Variants in SDK2 observed in about 807,000 individuals in gnomAD.
The protein encoded by SDK2 is protein sidekick-2.
In SDK2, 105 loss-of-function variants were observed where a neutral mutation model predicts 253.9. The ratio of observed to expected loss-of-function variants is 0.41; its 90% CI spans 0.35 to 0.49. SDK2 has a LOEUF of 0.49. Among genes scored for constraint, SDK2 ranks in the 20% least tolerant of loss-of-function variants. The pLI, the probability that SDK2 is intolerant of heterozygous loss-of-function variation, is 0.06. For synonymous variants in SDK2, 1,249 were observed against 1,234.9 expected, an observed-to-expected ratio of 1.01 and a Z score of -0.24; for missense variants, 2,608 against 3,003.0, an observed-to-expected ratio of 0.87 and a Z score of 3.07.
intron 1 of SDK2, among the ~76,000 whole-genome samples, chr17:73,531,372 C>T (rs1046679492): frequency 6.6e-6 from 1 of 152,212 alleles, no homozygotes; most frequent in Non-Finnish European, 1.5e-5. Context: ...CAGTGCCATC[C>T]TTGGATTCTT....
Position 73,383,284 on chromosome 17 carries a change from G to C in SDK2, c.4705+592C>G, listed in dbSNP as rs142515554. ...AGTCCAAACACGTCTTTCCCTTGCC[G>C]TGGTCTTCTGGGCATCGGCTCTCCC... On this transcript the variant is annotated intron_variant, in intron 33 of 44. Transcript: ENST00000392650. This position sits in a 1 kb window ranked among gnomAD's most constrained non-coding sequence, Gnocchi z 4.3. Among the ~76,000 whole-genome samples, 1 of 152,202 alleles carries C rather than the reference G, an allele frequency of 6.6e-6. No homozygotes were observed. The highest frequency in any genetic ancestry group is 2.4e-5 in the African/African-American group (1 of 41,446).
intron 2 of SDK2, among the ~76,000 whole-genome samples, chr17:73,482,629 T>A (rs895859131): frequency 1.3e-5 from 2 of 152,260 alleles, no homozygotes; most frequent in Non-Finnish European, 2.9e-5. Flanking sequence ...TGGGACCTTC[T>A]GGGCCAATTA....
rs2046371629 is a variant in SDK2, at chr17:73,639,503, G to A, written c.64+4522C>T. Reference sequence around the variant, plus strand: ...TCCTTTCCATTACAGGCAGTGGGCTGCAGCCGCCAGTTGCTGCTGGCCCAT... The same window carrying A: ...TCCTTTCCATTACAGGCAGTGGGCTACAGCCGCCAGTTGCTGCTGGCCCAT... On this transcript the variant is annotated intron_variant, in intron 1 of 44. Transcript: ENST00000392650. This position sits in a 1 kb window ranked among gnomAD's most constrained non-coding sequence, Gnocchi z 4.3. Among the ~76,000 whole-genome samples the A allele has an allele frequency of 6.6e-6, 1 of 152,208 alleles. No homozygotes were observed. The highest frequency in any genetic ancestry group is 6.5e-5 in the Admixed American group (1 of 15,288).
rs1260525743 is a variant in SDK2, at chr17:73,481,058, A to G, written c.225-8840T>C. Among the ~76,000 whole-genome samples, 2 of 152,124 alleles carry G rather than the reference A, an allele frequency of 1.3e-5. No individual in the cohort carries two copies. The highest frequency in any genetic ancestry group is 2.9e-5 in the Non-Finnish European group (2 of 68,020). On this transcript the variant is annotated intron_variant, in intron 2 of 44. Coordinates refer to ENST00000392650, the MANE Select transcript of SDK2 (RefSeq NM_001144952.2). The surrounding 1 kb of genome is among the most constrained non-coding windows in gnomAD (Gnocchi z 4.5). Reference sequence around the variant, plus strand: ...TGGGAGGCTACAGGGCCGCCATTTGAAGGGGAGGCAGCAGCCTCAGGAGGG... The same window carrying G: ...TGGGAGGCTACAGGGCCGCCATTTGGAGGGGAGGCAGCAGCCTCAGGAGGG...
chr17:73,550,605 C>T (rs762059106), intron 1 of SDK2, among the ~76,000 whole-genome samples: 6 of 152,276 alleles, frequency 3.9e-5, no homozygotes, highest in Admixed American at 1.3e-4. Context: ...CCCTACCCTG[C>T]AGCTTCCTGC....
At position 73,490,804 on chromosome 17, in the gene SDK2, G is replaced by A. The variant is rs765339748; in HGVS notation, c.224+16634C>T. Among the ~76,000 whole-genome samples the A allele has an allele frequency of 5.3e-5, 8 of 151,998 alleles. No homozygotes were observed. In the South Asian group the frequency reaches 1.7e-3, roughly 32 times the overall value. ...GGCCTCCTAAAATGCTAGGATTACA[G>A]GCGTGAACCACCACACCTGGCCCCA... On this transcript the variant is annotated intron_variant, in intron 2 of 44. Coordinates refer to ENST00000392650, the MANE Select transcript of SDK2 (RefSeq NM_001144952.2).
At position 73,338,527 on chromosome 17, in the gene SDK2, G is replaced by C. The variant is rs1263952827; in HGVS notation, c.*60C>G. Reference sequence around the variant, plus strand: ...GTTTTTGTTTTCTGGCAGGCAGTGAGAGGAGGGGTGAAGGAGGAGTTTGGT... The same window carrying C: ...GTTTTTGTTTTCTGGCAGGCAGTGACAGGAGGGGTGAAGGAGGAGTTTGGT... On this transcript the variant is annotated 3_prime_UTR_variant, in exon 45 of 45. Coordinates refer to ENST00000392650, the MANE Select transcript of SDK2 (RefSeq NM_001144952.2). This position sits in a 1 kb window ranked among gnomAD's most constrained non-coding sequence, Gnocchi z 5.0. 1 of 1,004,688 alleles carries C rather than the reference G, an allele frequency of 1.0e-6. No individual in the cohort carries two copies. Among genetic ancestry groups the C allele is most frequent in the African/African-American group, 1.6e-5 (1 of 62,910 alleles). 62.2% of individuals were successfully genotyped at this position (1,004,688 alleles called of 1,614,324 possible).
Position 73,387,877 on chromosome 17 carries a change from C to T in SDK2, c.4353G>A (p.Ser1451=), listed in dbSNP as rs2270723. ...ELPSGRWALH[S]ASVSHNASSF... Reference sequence around the variant, plus strand: ...TGGAGGCATTGTGGCTCACGGAGGCCGAGTGCAGTGCCCACCTGCCGCTGG... The same window carrying T: ...TGGAGGCATTGTGGCTCACGGAGGCTGAGTGCAGTGCCCACCTGCCGCTGG... The change falls in exon 30 of 45, where the codon TCG becomes TCA. Residue 1451 remains serine, a synonymous_variant. Coordinates refer to ENST00000392650, the MANE Select transcript of SDK2 (RefSeq NM_001144952.2). 8,373 of 1,587,878 alleles carry T rather than the reference C, an allele frequency of 5.3e-3. 334 individuals carry two copies. In the East Asian group the frequency reaches 0.11, roughly 21 times the overall value.
chr17:73,509,266 A>C (rs1052529527), intron 1 of SDK2, among the ~76,000 whole-genome samples: 3 of 152,174 alleles, frequency 2.0e-5, no homozygotes, highest in African/African-American at 7.2e-5. Context: ...CTAAGGATGG[A>C]AGGAAATAGT....
intron 18 of SDK2, among the ~76,000 whole-genome samples, chr17:73,404,196 G>T (rs2063052512): frequency 6.6e-6 from 1 of 152,176 alleles, no homozygotes; most frequent in African/African-American, 2.4e-5. Flanking sequence ...TTGACGCCTG[G>T]ATCCAAGATG....
intron 1 of SDK2, among the ~76,000 whole-genome samples, chr17:73,559,668 C>T (rs1333177407): frequency 6.6e-6 from 1 of 150,672 alleles, no homozygotes; most frequent in Non-Finnish European, 1.5e-5. Context: ...CGAAGGGCCA[C>T]CCCACAGGCA....
chr17:73,447,629 G>C lies in SDK2; in HGVS notation c.599C>G (p.Thr200Arg). ...TGCGTACTTACTCTCCACGGTGAGC[G>C]TGATGGGCTGGCTGGTCTTGTTATC... ...NGDNKTSQPI[T>R]LTVENVGGPA... The change falls in exon 5 of 45, where the codon ACG (threonine) becomes AGG (arginine). Residue 200 changes from threonine to arginine, a missense_variant. Physicochemically the swap from Thr to Arg is moderately conservative, Grantham distance 71 (BLOSUM62 -1). Coordinates refer to ENST00000392650, the MANE Select transcript of SDK2 (RefSeq NM_001144952.2). The surrounding 1 kb of genome is among the most constrained non-coding windows in gnomAD (Gnocchi z 4.0). 6.4e-7 allele frequency: 1 copy of C among 1,551,986 alleles called. No homozygotes were observed. The highest frequency in any genetic ancestry group is 8.7e-7 in the Non-Finnish European group (1 of 1,147,064).
rs1321838322 is a variant in SDK2 at position 73,474,722 on chromosome 17, GGGGAGGCCACT to G, written c.225-2515_225-2505del. Among the ~76,000 whole-genome samples, 5 of 152,166 alleles carry G rather than the reference GGGGAGGCCACT, an allele frequency of 3.3e-5. 1 individual carries two copies. The highest frequency in any genetic ancestry group is 4.1e-4 in the South Asian group (2 of 4,822). On this transcript the variant is annotated intron_variant, in intron 2 of 44. Transcript: ENST00000392650. ...TTGCGTCCCCTCTCTCCCGAGGCGA[GGGGAGGCCACT>G]GTGGGGGAACTGTCTGAGTCTGTAA...
intron 36 of SDK2, 31 bp from the exon 37 acceptor site, chr17:73,368,624 G>C (rs2145438008): frequency 6.6e-7 from 1 of 1,508,220 alleles, no homozygotes; most frequent in Non-Finnish European, 8.9e-7. Context: ...GGGAGTGAGG[G>C]GGACAGGGGC....
At chr17:73,499,501 C>T (rs1486671320) in intron 2 of SDK2, among the ~76,000 whole-genome samples, 3 of 152,250 alleles carry the variant, frequency 2.0e-5, no homozygotes, top group Middle Eastern at 3.2e-3. Context: ...TGGGACTCGG[C>T]CTCAGCTGGT....
chr17:73,584,067 T>C (rs1199050829), intron 1 of SDK2, among the ~76,000 whole-genome samples: 4 of 152,294 alleles, frequency 2.6e-5, no homozygotes, highest in South Asian at 4.1e-4. Context: ...CACAAGGCCT[T>C]CTCTAGCAGT....
In SDK2 at chr17:73,541,599, C is replaced by T. The variant is rs2044870264; in HGVS notation, c.65-34002G>A. 6.6e-6 allele frequency among the ~76,000 whole-genome samples: 1 copy of T among 152,050 alleles called. No individual in the cohort carries two copies. The highest frequency in any genetic ancestry group is 2.1e-4 in the South Asian group (1 of 4,820). On this transcript the variant is annotated intron_variant, in intron 1 of 44. Transcript: ENST00000392650. The surrounding 1 kb of genome is among the most constrained non-coding windows in gnomAD (Gnocchi z 4.3). The stretch of plus-strand genomic sequence containing the variant: ...GGCCAGAGCTCGCCCCACCCTCCCT[C>T]CGTCTCTCCCTGCTGGCTCTTCATT...
chr17:73,626,837 G>A (rs2046208823), intron 1 of SDK2, among the ~76,000 whole-genome samples: 1 of 152,200 alleles, frequency 6.6e-6, no homozygotes, highest in African/African-American at 2.4e-5. Flanking sequence ...GTGGACCCCA[G>A]AGGGTTTCCT....
rs1320247978 is a variant in SDK2 at position 73,507,610 on chromosome 17, G to A, written c.65-13C>T. 3.2e-6 allele frequency: 5 copies of A among 1,549,702 alleles called. No homozygotes were observed. The highest frequency in any genetic ancestry group is 4.4e-6 in the Non-Finnish European group (5 of 1,145,890). On this transcript the variant is annotated splice_polypyrimidine_tract_variant and intron_variant, in intron 1 of 44. Transcript: ENST00000392650. ...GGGGACACATCATCTGCAGAAACAG[G>A]GAGACAAAGCCACCAGTGATCACTT...
Sources: gnomAD v4.1 joint callset for allele counts (sites outside exome capture counted in the v4.1 genomes callset) on GRCh38, gnomAD v4.1.1 for gene constraint, Gnocchi (gnomAD v3.1) non-coding constraint, MANE v1.5 for transcripts, NCBI Gene and HGNC (gene_info 2026-07-23, HGNC 2026-07-21) for gene names.